Variants in PLA2G4A observed in about 807,000 individuals in gnomAD.
The protein encoded by PLA2G4A is cytosolic phospholipase A2.
In PLA2G4A, 40 loss-of-function variants were observed where a neutral mutation model predicts 81.9. The ratio of observed to expected loss-of-function variants is 0.49; its 90% CI spans 0.38 to 0.64. PLA2G4A has a LOEUF of 0.64. Among genes scored for constraint, PLA2G4A ranks in the 30% least tolerant of loss-of-function variants. The pLI, the probability that PLA2G4A is intolerant of heterozygous loss-of-function variation, is 0.00. For missense variants in PLA2G4A, 715 were observed against 905.1 expected, an observed-to-expected ratio of 0.79 and a Z score of 2.69; for synonymous variants, 302 against 296.9, an observed-to-expected ratio of 1.02 and a Z score of -0.18.
intron 14 of PLA2G4A, among the ~76,000 whole-genome samples, chr1:186,962,769 C>T (rs1210918647): frequency 1.3e-5 from 2 of 152,142 alleles, no homozygotes. Context: ...ATCCACCCGC[C>T]TCGGCCTCCC....
intron 1 of PLA2G4A, among the ~76,000 whole-genome samples, chr1:186,843,523 G>A (rs1652061942): frequency 6.6e-6 from 1 of 152,214 alleles, no homozygotes; most frequent in Non-Finnish European, 1.5e-5. Flanking sequence ...GCTGCTCACA[G>A]CTATGGAAGA....
chr1:186,875,246 T>C (rs1653423615), intron 3 of PLA2G4A, among the ~76,000 whole-genome samples: 1 of 152,086 alleles, frequency 6.6e-6, no homozygotes, highest in African/African-American at 2.4e-5. Context: ...ACAAAGATTC[T>C]AAGACTTTTG....
Position 186,950,706 on chromosome 1 carries a change from T to C in PLA2G4A, c.1314T>C (p.Asp438=). 1.9e-6 allele frequency: 3 copies of C among 1,603,348 alleles called. No homozygotes were observed. In the South Asian group the frequency reaches 3.3e-5, roughly 18 times the overall value. ...TGAGTAATGATAGCTCGGACAGTGA[T>C]GATGAATCACACGAACCCAAAGGTG... ...HIVSNDSSDS[D]DESHEPKGTE... Residue 438 remains aspartate, a synonymous_variant, in exon 13 of 18, where the codon GAT becomes GAC. Transcript: ENST00000367466.
At chr1:186,911,721 G>T (rs1487041628) in intron 7 of PLA2G4A, among the ~76,000 whole-genome samples, 1 of 152,134 alleles carries the variant, frequency 6.6e-6, no homozygotes, top group Non-Finnish European at 1.5e-5. Flanking sequence ...GTTTAGTCAG[G>T]TTCTCCAGAG....
At chr1:186,964,344 G>C (rs79109419) in intron 14 of PLA2G4A, among the ~76,000 whole-genome samples, 25 of 152,134 alleles carry the variant, frequency 1.6e-4, no homozygotes, top group Admixed American at 1.5e-3. Flanking sequence ...AATGTGAAGA[G>C]TAATGTGTTA....
chr1:186,913,276 A>C (rs984041154), intron 7 of PLA2G4A, among the ~76,000 whole-genome samples: 1 of 152,020 alleles, frequency 6.6e-6, no homozygotes, highest in African/African-American at 2.4e-5. Flanking sequence ...AATATAAACA[A>C]ATATTGAAAG....
chr1:186,909,337 GA>G (rs1322360906), intron 6 of PLA2G4A, among the ~76,000 whole-genome samples: 2 of 134,800 alleles, frequency 1.5e-5, no homozygotes, highest in African/African-American at 6.1e-5. Context: ...AATAGTAATA[GA>G]AAAGAGTGTA....
At chr1:186,872,343 T>A (rs1381821822) in intron 3 of PLA2G4A, among the ~76,000 whole-genome samples, 3 of 152,070 alleles carry the variant, frequency 2.0e-5, no homozygotes, top group East Asian at 3.9e-4. Flanking sequence ...ACCATACTCT[T>A]AAGAAAAGGC....
intron 2 of PLA2G4A, among the ~76,000 whole-genome samples, chr1:186,856,896 G>A (rs1353222005): frequency 6.7e-6 from 1 of 150,192 alleles, no homozygotes; most frequent in Non-Finnish European, 1.5e-5. Context: ...TAGTCTGAAG[G>A]CGGGATATAA....
intron 5 of PLA2G4A, among the ~76,000 whole-genome samples, chr1:186,898,364 T>C (rs992413499): frequency 1.6e-4 from 25 of 152,190 alleles, no homozygotes; most frequent in African/African-American, 5.5e-4. Context: ...AGCAGTATCA[T>C]GGGGTATCTA....
rs147609777 is a variant in PLA2G4A, at chr1:186,922,855, G to A, written c.559-9908G>A. On this transcript the variant is annotated intron_variant, in intron 7 of 17. Coordinates refer to ENST00000367466, the MANE Select transcript of PLA2G4A (RefSeq NM_024420.3). ...GGGTCCACTTGAGTGGGTTGTGATC[G>A]ATTGAGCAAGCAGGGGTTACGTGAC... Among the ~76,000 whole-genome samples, 1,192 of 152,294 alleles carry A rather than the reference G, an allele frequency of 7.8e-3. 20 individuals carry two copies. The highest frequency in any genetic ancestry group is 0.027 in the African/African-American group (1,127 of 41,538).
intron 2 of PLA2G4A, among the ~76,000 whole-genome samples, chr1:186,867,790 G>A (rs116749664): frequency 8.5e-5 from 13 of 152,226 alleles, no homozygotes; most frequent in African/African-American, 3.1e-4. Context: ...TTTCGGGGAA[G>A]CTTCCATTTT....
At chr1:186,909,800 A>G (rs1654878979) in intron 6 of PLA2G4A, among the ~76,000 whole-genome samples, 1 of 152,182 alleles carries the variant, frequency 6.6e-6, no homozygotes, top group South Asian at 2.1e-4. Flanking sequence ...ATGATCTTTA[A>G]AAAGTTTTTG....
At chr1:186,854,536 A>G (rs1246892693) in intron 2 of PLA2G4A, 149 bp downstream of exon 2, 1 of 566,044 alleles carries the variant, frequency 1.8e-6, no homozygotes, top group African/African-American at 1.9e-5. Context: ...CAAAGAGGCT[A>G]TGGAACATAA....
intron 17 of PLA2G4A, among the ~76,000 whole-genome samples, chr1:186,982,297 A>G (rs7545121): frequency 0.39 from 60,094 of 152,162 alleles, 14,174 homozygotes; most frequent in East Asian, 0.58. Flanking sequence ...GCGTTATATC[A>G]TCTTTAAATC....
At chr1:186,941,842 C>T (rs559960180) in intron 10 of PLA2G4A, among the ~76,000 whole-genome samples, 4 of 152,180 alleles carry the variant, frequency 2.6e-5, no homozygotes, top group Non-Finnish European at 5.9e-5. Flanking sequence ...TTACTATACA[C>T]TGTCATTTTG....
chr1:186,884,964 T>G (rs1653881014), intron 3 of PLA2G4A, among the ~76,000 whole-genome samples: 1 of 151,426 alleles, frequency 6.6e-6, no homozygotes, highest in African/African-American at 2.4e-5. Context: ...ATTAGTTAGC[T>G]GCATCTAGGT....
At chr1:186,948,519 A>C (rs987880924) in intron 12 of PLA2G4A, among the ~76,000 whole-genome samples, 3 of 65,100 alleles carry the variant, frequency 4.6e-5, no homozygotes, top group African/African-American at 9.2e-5. Context: ...GATTTTAGAA[A>C]AAAAAAAAAA....
Position 186,857,339 on chromosome 1 carries a change from T to A in PLA2G4A, c.33+2952T>A, listed in dbSNP as rs575005064. On this transcript the variant is annotated intron_variant, in intron 2 of 17. Transcript: ENST00000367466. The stretch of plus-strand genomic sequence containing the variant: ...ATGTAATATAATATAAATATAATAT[T>A]ATATATATTATAAATATAATATTAT... Among the ~76,000 whole-genome samples the A allele has an allele frequency of 8.0e-3, 946 of 118,886 alleles. 7 individuals carry two copies. Among genetic ancestry groups the A allele is most frequent in the Non-Finnish European group, 0.012 (711 of 59,752 alleles). 78.0% of individuals were successfully genotyped at this position (118,886 alleles called of 152,430 possible).
Sources: allele counts gnomAD v4.1 joint callset (sites outside exome capture counted in the v4.1 genomes callset), GRCh38; gene constraint gnomAD v4.1.1; transcripts MANE v1.5; gene names NCBI Gene and HGNC (gene_info 2026-07-23, HGNC 2026-07-21).